Variants in SLC6A11 observed in about 807,000 individuals in gnomAD.
SLC6A11 encodes the protein sodium- and chloride-dependent GABA transporter 3.
Under a neutral mutation model 74.8 loss-of-function variants are expected in SLC6A11, and 25 were observed. The ratio of observed to expected loss-of-function variants is 0.33; its 90% confidence interval spans 0.24 to 0.47. SLC6A11 has a LOEUF of 0.47. SLC6A11 is among the 20% of genes least tolerant of loss of function. SLC6A11 has a pLI of 1.00. For synonymous variants in SLC6A11, 330 were observed against 330.2 expected, an observed-to-expected ratio of 1.00 and a Z score of 0.01; for missense variants, 574 against 837.0, an observed-to-expected ratio of 0.69 and a Z score of 3.88.
intron 4 of SLC6A11, among the ~76,000 whole-genome samples, chr3:10,837,678 G>T (rs975935817): frequency 6.6e-6 from 1 of 152,172 alleles, no homozygotes; most frequent in African/African-American, 2.4e-5. Context: ...CCCCTAGACC[G>T]TAAGTTCCCT....
rs748541602 is a variant in SLC6A11 at position 10,844,309 on chromosome 3, A to C, written c.719A>C (p.Tyr240Ser). The change falls in exon 5 of 14, where the codon TAC becomes TCC. Residue 240 changes from tyrosine to serine, a missense_variant. This residue lies in a region of SLC6A11 where 215 missense variants were observed against 357.9 expected (regional missense o/e 0.60). Transcript: ENST00000254488. ...LCLLAAWTIC[Y>S]FCIWKGTKST... is the part of the protein sequence containing the mutation. ...CTCTTGGCAGCCTGGACCATCTGTTACTTCTGTATCTGGAAGGGGACCAAG... is the reference window on the plus strand; with the variant it reads ...CTCTTGGCAGCCTGGACCATCTGTTCCTTCTGTATCTGGAAGGGGACCAAG... The C allele has an allele frequency of 6.2e-7, 1 of 1,614,078 alleles. No individual in the cohort carries two copies. Among genetic ancestry groups the C allele is most frequent in the Non-Finnish European group, 8.5e-7 (1 of 1,180,014 alleles).
intron 9 of SLC6A11, among the ~76,000 whole-genome samples, chr3:10,928,767 GCA>G: frequency 6.6e-6 from 1 of 152,020 alleles, no homozygotes; most frequent in South Asian, 2.1e-4. Context: ...CCTGCCATCA[GCA>G]GAGCACGTAA....
intron 5 of SLC6A11, 140 bp from the exon 6 acceptor site, chr3:10,874,821 T>C (rs1575685107): frequency 2.8e-6 from 2 of 711,606 alleles, no homozygotes; most frequent in Non-Finnish European, 4.5e-6. Context: ...GCAAATGTGG[T>C]CTATACACGC....
chr3:10,937,289 G>C (rs1248775866), intron 13 of SLC6A11, among the ~76,000 whole-genome samples: 1 of 152,160 alleles, frequency 6.6e-6, no homozygotes, highest in Non-Finnish European at 1.5e-5. Flanking sequence ...ACAAACCCAG[G>C]CACCTGGCTT....
At chr3:10,850,829 A>G (rs1195657105) in intron 5 of SLC6A11, among the ~76,000 whole-genome samples, 1 of 152,096 alleles carries the variant, frequency 6.6e-6, no homozygotes, top group Admixed American at 6.5e-5. Context: ...CTTGTTGTGA[A>G]TGGACTGGTG....
At chr3:10,893,438 T>C (rs1395748230) in intron 6 of SLC6A11, among the ~76,000 whole-genome samples, 1 of 152,056 alleles carries the variant, frequency 6.6e-6, no homozygotes, top group African/African-American at 2.4e-5. Flanking sequence ...AGTTCAGAGG[T>C]GTTTTTAATC....
intron 10 of SLC6A11, among the ~76,000 whole-genome samples, chr3:10,930,578 G>A (rs1695672570): frequency 6.6e-6 from 1 of 152,182 alleles, no homozygotes; most frequent in South Asian, 2.1e-4. Context: ...AGTAAGCAGG[G>A]CCTCATTAAG....
chr3:10,927,002 C>T (rs1328559049), intron 9 of SLC6A11, among the ~76,000 whole-genome samples: 4 of 152,192 alleles, frequency 2.6e-5, no homozygotes, highest in African/African-American at 4.8e-5. Flanking sequence ...AGCAGTCAGA[C>T]CCCCAGGGAG....
At chr3:10,906,057 C>A (rs1695298500) in intron 6 of SLC6A11, among the ~76,000 whole-genome samples, 1 of 152,104 alleles carries the variant, frequency 6.6e-6, no homozygotes, top group South Asian at 2.1e-4. Context: ...TCTCAAACTT[C>A]CCTTCTCCAA....
chr3:10,888,656 A>C (rs753329664), intron 6 of SLC6A11, among the ~76,000 whole-genome samples: 1 of 152,156 alleles, frequency 6.6e-6, no homozygotes, highest in Non-Finnish European at 1.5e-5. Flanking sequence ...TGGTGTTTTC[A>C]CCCTTGAGAA....
At chr3:10,909,010 T>C (rs960077099) in intron 6 of SLC6A11, among the ~76,000 whole-genome samples, 44 of 151,512 alleles carry the variant, frequency 2.9e-4, no homozygotes, top group African/African-American at 1.1e-3. Flanking sequence ...CTGCCTTTGC[T>C]CTAGACTCTG....
At chr3:10,931,329 A>AT (rs2106633670) in intron 10 of SLC6A11, among the ~76,000 whole-genome samples, 1 of 151,642 alleles carries the variant, frequency 6.6e-6, no homozygotes, top group South Asian at 2.1e-4. Flanking sequence ...TACTTGCTGA[A>AT]TGCTGCATTA....
intron 6 of SLC6A11, among the ~76,000 whole-genome samples, chr3:10,875,429 G>T (rs539003318): frequency 6.6e-6 from 1 of 152,300 alleles, no homozygotes; most frequent in Non-Finnish European, 1.5e-5. Context: ...TTTCAAGATA[G>T]CTACACCATG....
At chr3:10,904,862 C>G (rs535247626) in intron 6 of SLC6A11, among the ~76,000 whole-genome samples, 1 of 152,280 alleles carries the variant, frequency 6.6e-6, no homozygotes, top group African/African-American at 2.4e-5. Flanking sequence ...TTTTCAGGAG[C>G]CTATTTCCAC....
At chr3:10,861,051 C>T (rs1322840967) in intron 5 of SLC6A11, among the ~76,000 whole-genome samples, 2 of 152,170 alleles carry the variant, frequency 1.3e-5, no homozygotes, top group Admixed American at 6.5e-5. Flanking sequence ...GAATAGGATC[C>T]GGGTGAGGCC....
chr3:10,873,622 A>ATCCTC, intron 5 of SLC6A11, among the ~76,000 whole-genome samples: 1 of 119,992 alleles, frequency 8.3e-6, no homozygotes, highest in Non-Finnish European at 1.6e-5. Context: ...ATGCTATCCT[A>ATCCTC]TCCTATCCTG....
chr3:10,838,244 C>T (rs773543797), intron 4 of SLC6A11, among the ~76,000 whole-genome samples: 12 of 152,224 alleles, frequency 7.9e-5, no homozygotes, highest in Non-Finnish European at 1.3e-4. Context: ...TGCTGGGAGC[C>T]GGAAGCTTCA....
At chr3:10,884,242 GCTGC>G (rs1695016083) in intron 6 of SLC6A11, among the ~76,000 whole-genome samples, 1 of 152,124 alleles carries the variant, frequency 6.6e-6, no homozygotes, top group African/African-American at 2.4e-5. Flanking sequence ...AGGTTGAAAC[GCTGC>G]TTGGGTACTC....
intron 6 of SLC6A11, among the ~76,000 whole-genome samples, chr3:10,894,558 T>C (rs1695147741): frequency 6.6e-6 from 1 of 152,242 alleles, no homozygotes; most frequent in African/African-American, 2.4e-5. Flanking sequence ...AAATACCATG[T>C]GATCTCACTT....
Sources: allele counts gnomAD v4.1 joint callset (sites outside exome capture counted in the v4.1 genomes callset), GRCh38; gene constraint gnomAD v4.1.1; regional missense constraint gnomAD v4.1.1; transcripts MANE v1.5; gene names NCBI Gene and HGNC (gene_info 2026-07-23, HGNC 2026-07-21).